The following TMEM117 variants were observed in gnomAD, a reference collection of about 807,000 sequenced individuals.
The protein encoded by TMEM117 is transmembrane protein 117.
In TMEM117, 27 loss-of-function variants were observed where a neutral mutation model predicts 52.4. That is an observed-to-expected ratio of 0.51 (90% CI 0.38 to 0.71). TMEM117 has a LOEUF of 0.71. Ranked by LOEUF, TMEM117 falls within the 30% of genes least tolerant of loss-of-function variation. TMEM117 has a pLI of 0.00. For missense variants in TMEM117, 556 were observed against 630.5 expected (o/e 0.88, Z 1.26); for synonymous variants, 215 against 206.3 (o/e 1.04, Z -0.36).
At chr12:44,246,191 A>G (rs556425662) in intron 5 of TMEM117, among the ~76,000 whole-genome samples, 3 of 152,284 alleles carry the variant, frequency 2.0e-5, no homozygotes, top group Admixed American at 6.5e-5. Context: ...ACAGTAATGG[A>G]CACTTTACTA....
intron 3 of TMEM117, among the ~76,000 whole-genome samples, chr12:44,107,055 A>G (rs897757493): frequency 9.9e-5 from 15 of 152,102 alleles, no homozygotes; most frequent in Non-Finnish European, 2.2e-4. Context: ...GTATAATTTT[A>G]AAAACGAACA....
chr12:43,957,078 TCACTTATAAGTG>T (rs1945320930), intron 3 of TMEM117, among the ~76,000 whole-genome samples: 13 of 152,090 alleles, frequency 8.5e-5, no homozygotes, highest in African/African-American at 3.1e-4. Context: ...TTGCATATTC[TCACTTATAAGTG>T]GGAGTTGAAC....
chr12:44,219,707 TA>T (rs1949763526), intron 5 of TMEM117, among the ~76,000 whole-genome samples: 1 of 152,186 alleles, frequency 6.6e-6, no homozygotes, highest in South Asian at 2.1e-4. Context: ...CCCAGCATTT[TA>T]TTGGGGACAC....
rs577549932 is a variant in TMEM117 at position 43,996,935 on chromosome 12, G to A, written c.410+52593G>A. ...GTTGGTGTCAGTAAGAGGAAATTAA[G>A]TTGACAATATAGAGAGCAGATACAA... On this transcript the variant is annotated intron_variant, in intron 3 of 7. Transcript: ENST00000266534. Among the ~76,000 whole-genome samples the A allele has an allele frequency of 5.9e-5, 9 of 152,290 alleles. No individual in the cohort carries two copies. The South Asian group carries it at 1.9e-3, about 32-fold the overall frequency.
At chr12:43,797,606 C>A in the TMEM117 span, 1 of 1,460,606 alleles carries the variant, frequency 6.8e-7, no homozygotes, top group South Asian at 1.4e-5. Context: ...TTTTAGAAAT[C>A]AGAAAGCTAT....
chr12:43,841,352 T>G (rs1033025949), intron 1 of TMEM117, among the ~76,000 whole-genome samples: 7 of 152,336 alleles, frequency 4.6e-5, no homozygotes, highest in African/African-American at 1.4e-4. Context: ...ACTTGTTATA[T>G]AAATTAAACA....
intron 3 of TMEM117, among the ~76,000 whole-genome samples, chr12:43,969,160 A>G (rs1945534952): frequency 6.6e-6 from 1 of 151,982 alleles, no homozygotes; most frequent in African/African-American, 2.4e-5. Context: ...GAAAAGATAG[A>G]AGCAAAATAT....
chr12:44,135,533 C>T (rs953364133), intron 3 of TMEM117, among the ~76,000 whole-genome samples: 1 of 152,012 alleles, frequency 6.6e-6, no homozygotes, highest in Non-Finnish European at 1.5e-5. Context: ...AAAATTGTTT[C>T]AACAGGAATA....
downstream of TMEM117, among the ~76,000 whole-genome samples, chr12:44,390,942 G>C (rs975876952): frequency 6.6e-5 from 10 of 151,910 alleles, no homozygotes; most frequent in African/African-American, 2.4e-4. Context: ...AGAGATTTTT[G>C]AATACCAAAA....
intron 3 of TMEM117, among the ~76,000 whole-genome samples, chr12:43,979,928 C>T (rs983163302): frequency 1.3e-5 from 2 of 152,142 alleles, no homozygotes; most frequent in Non-Finnish European, 2.9e-5. Flanking sequence ...CCTCAATTAA[C>T]CCTCTTGTAA....
At chr12:43,875,250 T>A (rs79277738) in intron 2 of TMEM117, among the ~76,000 whole-genome samples, 5,671 of 138,240 alleles carry the variant, frequency 0.041, 351 homozygotes, top group African/African-American at 0.14. Context: ...TGTGTGTGTG[T>A]GAGAAAAGAG....
At chr12:43,932,393 C>G (rs1173801435) in intron 2 of TMEM117, among the ~76,000 whole-genome samples, 10 of 149,274 alleles carry the variant, frequency 6.7e-5, no homozygotes, top group Admixed American at 6.6e-4. Flanking sequence ...TTTCAAATAC[C>G]CTTTTTGATG....
chr12:44,351,571 C>T (rs146036391), intron 6 of TMEM117, among the ~76,000 whole-genome samples: 19 of 152,058 alleles, frequency 1.2e-4, no homozygotes, highest in African/African-American at 4.1e-4. Context: ...CATTCTTCTG[C>T]ATATGGACAT....
intron 5 of TMEM117, among the ~76,000 whole-genome samples, chr12:44,245,715 T>G (rs547837719): frequency 1.3e-5 from 2 of 151,946 alleles, no homozygotes; most frequent in South Asian, 4.1e-4. Context: ...AGGAAAAAGC[T>G]TAGGGAGCAA....
At chr12:44,006,892 T>G (rs1946206791) in intron 3 of TMEM117, among the ~76,000 whole-genome samples, 1 of 152,220 alleles carries the variant, frequency 6.6e-6, no homozygotes, top group East Asian at 1.9e-4. Flanking sequence ...CTTCTATCAT[T>G]AGAAGCCTCA....
intron 3 of TMEM117, among the ~76,000 whole-genome samples, chr12:44,122,785 G>A (rs1032646910): frequency 1.3e-5 from 2 of 152,144 alleles, no homozygotes; most frequent in African/African-American, 2.4e-5. Flanking sequence ...TGGTGTATAT[G>A]TACCATACTT....
chr12:43,917,914 A>G (rs756119607), intron 2 of TMEM117, among the ~76,000 whole-genome samples: 1 of 152,134 alleles, frequency 6.6e-6, no homozygotes, highest in African/African-American at 2.4e-5. Context: ...TTAGGTTTCT[A>G]TAGAAGGACT....
chr12:44,283,855 C>T (rs1950606403), intron 5 of TMEM117, among the ~76,000 whole-genome samples: 1 of 152,090 alleles, frequency 6.6e-6, no homozygotes, highest in African/African-American at 2.4e-5. Context: ...TCCTAGAATT[C>T]CCACGTGTTG....
chr12:44,349,556 C>T (rs1353277334), intron 6 of TMEM117, among the ~76,000 whole-genome samples: 1 of 151,986 alleles, frequency 6.6e-6, no homozygotes, highest in Non-Finnish European at 1.5e-5. Flanking sequence ...CTGTCAGATC[C>T]ACTTCAGAGT....
Sources: allele counts gnomAD v4.1 joint callset (sites outside exome capture counted in the v4.1 genomes callset), GRCh38; gene constraint gnomAD v4.1.1; transcripts MANE v1.5; gene names NCBI Gene and HGNC (gene_info 2026-07-23, HGNC 2026-07-21).